TGFBR3: variants seen among roughly 807,000 people sequenced by gnomAD.
TGFBR3 encodes transforming growth factor beta receptor type 3.
Under a neutral mutation model 87.9 loss-of-function variants are expected in TGFBR3, and 46 were observed. That is an observed-to-expected ratio of 0.52 (90% CI 0.41 to 0.67). TGFBR3 has a LOEUF of 0.67. Among genes scored for constraint, TGFBR3 ranks in the 30% least tolerant of loss-of-function variants. The pLI is 0.00. For synonymous variants in TGFBR3, 381 were observed against 391.6 expected (o/e 0.97, Z 0.32); for missense variants, 866 against 1,041.9 (o/e 0.83, Z 2.32).
rs146601706 is a variant in TGFBR3 at position 91,710,686 on chromosome 1, T to C, written c.2166+1557A>G. ...GCCTCTGCCAGATAAAGGGCTGTCA[T>C]TGTACATACTGTCCTATTTGCTCCT... On this transcript the variant is annotated intron_variant, in intron 13 of 16. Transcript: ENST00000212355. 2.6e-5 allele frequency among the ~76,000 whole-genome samples: 4 copies of C among 152,318 alleles called. No homozygotes were observed. The East Asian group carries it at 5.8e-4, about 22-fold the overall frequency.
intron 16 of TGFBR3, among the ~76,000 whole-genome samples, chr1:91,684,538 T>C (rs925926522): frequency 1.3e-5 from 2 of 152,158 alleles, no homozygotes; most frequent in African/African-American, 2.4e-5. Context: ...CCCTGTGGGG[T>C]GCAGTGTGAG....
At chr1:91,835,406 A>G (rs946804315) in intron 2 of TGFBR3, among the ~76,000 whole-genome samples, 3 of 152,244 alleles carry the variant, frequency 2.0e-5, no homozygotes. Flanking sequence ...GCACAACACA[A>G]GGAAGAATTT....
chr1:91,813,544 C>CA (rs1244001354), intron 2 of TGFBR3, among the ~76,000 whole-genome samples: 1 of 152,304 alleles, frequency 6.6e-6, no homozygotes, highest in East Asian at 1.9e-4. Flanking sequence ...TCTAGTTTCT[C>CA]AATGGAAGTT....
chr1:91,810,436 A>C (rs1675989302), intron 2 of TGFBR3, among the ~76,000 whole-genome samples: 1 of 152,230 alleles, frequency 6.6e-6, no homozygotes, highest in South Asian at 2.1e-4. Flanking sequence ...CCTTTATAGC[A>C]AATATAAGCT....
At chr1:91,861,857 CT>C (rs11414154) in intron 1 of TGFBR3, 31,417 of 245,302 alleles carry the variant, frequency 0.13, 1,260 homozygotes, top group East Asian at 0.31. Context: ...TTGTTATTGG[CT>C]TTTTTTTTTT....
chr1:91,807,796 G>A lies in TGFBR3; in HGVS notation c.62-10325C>T, dbSNP rs1675889756. ...ACTGGACATAGCAAGAGGTGTCCTTGTATTACAGAAGCACCGGGAAATAGT... is the reference window on the plus strand; with the variant it reads ...ACTGGACATAGCAAGAGGTGTCCTTATATTACAGAAGCACCGGGAAATAGT... On this transcript the variant is annotated intron_variant, in intron 2 of 16. Transcript: ENST00000212355. Among the ~76,000 whole-genome samples, 3 of 152,324 alleles carry A rather than the reference G, an allele frequency of 2.0e-5. No homozygotes were observed. The South Asian group carries it at 6.2e-4, about 32-fold the overall frequency.
chr1:91,886,283 C>G, upstream of TGFBR3: 1 of 414,080 alleles, frequency 2.4e-6, no homozygotes, highest in South Asian at 1.7e-5. Flanking sequence ...GGCTCTCGGC[C>G]GCCCAGAAAC....
chr1:91,730,381 G>A (rs11466582), intron 5 of TGFBR3, among the ~76,000 whole-genome samples: 523 of 152,218 alleles, frequency 3.4e-3, no homozygotes, highest in African/African-American at 0.012. Flanking sequence ...TGAAAAGCTC[G>A]TAGTAGATTC....
At chr1:91,898,777 T>A (rs554882390) in intron 2 of TGFBR3, among the ~76,000 whole-genome samples, 1 of 152,134 alleles carries the variant, frequency 6.6e-6, no homozygotes, top group Non-Finnish European at 1.5e-5. Context: ...ATCTTTCCTA[T>A]AAGAAATAAA....
intron 1 of TGFBR3, among the ~76,000 whole-genome samples, chr1:91,869,569 C>G (rs770063974): frequency 1.3e-5 from 2 of 152,178 alleles, no homozygotes; most frequent in Non-Finnish European, 2.9e-5. Flanking sequence ...GAGGCTGAGG[C>G]AGGAGAACCG....
chr1:91,709,701 A>G (rs1229525603), intron 13 of TGFBR3, among the ~76,000 whole-genome samples: 2 of 151,954 alleles, frequency 1.3e-5, no homozygotes, highest in Admixed American at 6.5e-5. Flanking sequence ...ATATGATCAC[A>G]CTCCGCACTT....
chr1:91,764,317 C>CAAAAAAAAAAAAAAAAAA (rs200776741), intron 3 of TGFBR3, among the ~76,000 whole-genome samples: 1 of 77,388 alleles, frequency 1.3e-5, no homozygotes, highest in Non-Finnish European at 2.3e-5. Flanking sequence ...ACAAAAGAGA[C>CAAAAAAAAAAAAAAAAAA]AAAAAAAAAA....
At chr1:91,738,623 G>A (rs1341966787) in intron 4 of TGFBR3, among the ~76,000 whole-genome samples, 2 of 152,176 alleles carry the variant, frequency 1.3e-5, no homozygotes, top group Non-Finnish European at 2.9e-5. Flanking sequence ...GCAGATGTTG[G>A]TGCTATGCTT....
intron 2 of TGFBR3, among the ~76,000 whole-genome samples, chr1:91,812,936 T>C (rs1676079508): frequency 6.6e-6 from 1 of 152,166 alleles, no homozygotes. Flanking sequence ...TGCCTATACT[T>C]TTCATACTTG....
chr1:91,751,138 A>G (rs1359459900), intron 4 of TGFBR3, among the ~76,000 whole-genome samples: 3 of 152,322 alleles, frequency 2.0e-5, no homozygotes, highest in East Asian at 3.9e-4. Flanking sequence ...CATACCCGGT[A>G]TGCTAATTCT....
intron 3 of TGFBR3, among the ~76,000 whole-genome samples, chr1:91,764,111 T>A (rs1278177266): frequency 6.6e-6 from 1 of 151,930 alleles, no homozygotes; most frequent in Non-Finnish European, 1.5e-5. Flanking sequence ...AGGGTCCCCA[T>A]CCTGACCTGG....
In TGFBR3 at chr1:91,773,302, G is replaced by C. The variant is rs111341247; in HGVS notation, c.247-14552C>G. ...GCTTCAGTCTCCCCATAAATGAAAA[G>C]GTTAGACTCTATCTCTATGGCCACC... On this transcript the variant is annotated intron_variant, in intron 3 of 16. Transcript: ENST00000212355. Among the ~76,000 whole-genome samples the C allele has an allele frequency of 4.0e-3, 605 of 151,710 alleles. 1 individual carries two copies. Among genetic ancestry groups the C allele is most frequent in the Middle Eastern group, 0.017 (5 of 294 alleles).
At chr1:91,731,433 T>G (rs955238645) in intron 5 of TGFBR3, among the ~76,000 whole-genome samples, 9 of 152,080 alleles carry the variant, frequency 5.9e-5, no homozygotes, top group Non-Finnish European at 1.3e-4. Context: ...CTCTGCAGTC[T>G]CCTCTAATTC....
chr1:91,814,691 G>T (rs760489729), intron 2 of TGFBR3, among the ~76,000 whole-genome samples: 5 of 152,080 alleles, frequency 3.3e-5, no homozygotes, highest in Admixed American at 6.5e-5. Flanking sequence ...ACTATTGTAT[G>T]ACCAAAATGA....
Sources: gnomAD v4.1 joint callset for allele counts (sites outside exome capture counted in the v4.1 genomes callset) on GRCh38, gnomAD v4.1.1 for gene constraint, MANE v1.5 for transcripts, NCBI Gene and HGNC (gene_info 2026-07-23, HGNC 2026-07-21) for gene names.